PIP4K2A: variants seen among roughly 807,000 people sequenced by gnomAD.
PIP4K2A encodes phosphatidylinositol 5-phosphate 4-kinase type-2 alpha.
In PIP4K2A, 14 loss-of-function variants were observed where a neutral mutation model predicts 42.9. The ratio of observed to expected loss-of-function variants is 0.33; its 90% CI spans 0.22 to 0.51. PIP4K2A has a LOEUF of 0.51. PIP4K2A is among the 20% of genes least tolerant of loss of function. The pLI, the probability that PIP4K2A is intolerant of heterozygous loss-of-function variation, is 0.97. For missense variants in PIP4K2A, 434 were observed against 519.8 expected (o/e 0.83, Z 1.61); for synonymous variants, 192 against 192.2 (o/e 1.00, Z 0.01).
chr10:22,660,201 T>C (rs1258671373), intron 1 of PIP4K2A, among the ~76,000 whole-genome samples: 2 of 152,308 alleles, frequency 1.3e-5, no homozygotes, highest in Non-Finnish European at 2.9e-5. Flanking sequence ...ACGGACACGG[T>C]GGCTCATACC....
intron 1 of PIP4K2A, among the ~76,000 whole-genome samples, chr10:22,640,796 G>A (rs1234195678): frequency 6.6e-6 from 1 of 152,200 alleles, no homozygotes; most frequent in Non-Finnish European, 1.5e-5. Context: ...GAAATAAAGT[G>A]CGGATGAAAC....
At chr10:22,539,008 T>A (rs1292141561) in intron 9 of PIP4K2A, among the ~76,000 whole-genome samples, 1 of 152,208 alleles carries the variant, frequency 6.6e-6, no homozygotes, top group African/African-American at 2.4e-5. Context: ...CACCTCTTCT[T>A]CCAGGGCCAA....
At chr10:22,655,987 G>C (rs1204106672) in intron 1 of PIP4K2A, among the ~76,000 whole-genome samples, 2 of 152,120 alleles carry the variant, frequency 1.3e-5, no homozygotes, top group South Asian at 2.1e-4. Context: ...CATCTTGGGG[G>C]AATCAAACCA....
chr10:22,574,870 AT>A (rs1262705104), intron 4 of PIP4K2A, among the ~76,000 whole-genome samples: 2 of 152,212 alleles, frequency 1.3e-5, no homozygotes, highest in Non-Finnish European at 2.9e-5. Flanking sequence ...CTCACATCTG[AT>A]CTAGAGAAAT....
At chr10:22,587,329 T>G (rs1837419224) in intron 4 of PIP4K2A, among the ~76,000 whole-genome samples, 2 of 152,174 alleles carry the variant, frequency 1.3e-5, no homozygotes, top group Non-Finnish European at 2.9e-5. Context: ...GAGCCTCTCA[T>G]CAACTGATAT....
intron 4 of PIP4K2A, among the ~76,000 whole-genome samples, chr10:22,583,247 C>T (rs1837318358): frequency 6.6e-6 from 1 of 152,210 alleles, no homozygotes; most frequent in Non-Finnish European, 1.5e-5. Flanking sequence ...CCACGTATGA[C>T]CGCTGGCAGG....
At chr10:22,704,603 T>C (rs910936343) in intron 1 of PIP4K2A, among the ~76,000 whole-genome samples, 2 of 138,352 alleles carry the variant, frequency 1.4e-5, no homozygotes. Context: ...CAGTGAGCCA[T>C]GATTGCACCA....
intron 3 of PIP4K2A, among the ~76,000 whole-genome samples, chr10:22,603,185 C>T (rs1410196098): frequency 6.6e-6 from 1 of 152,074 alleles, no homozygotes; most frequent in African/African-American, 2.4e-5. Context: ...GAAAGGGCAT[C>T]AGATGTCAAT....
intron 3 of PIP4K2A, among the ~76,000 whole-genome samples, chr10:22,601,036 A>T (rs975790740): frequency 1.3e-5 from 2 of 150,352 alleles, no homozygotes; most frequent in Non-Finnish European, 3.0e-5. Context: ...GAAACTTCAC[A>T]GAGTGCCATG....
chr10:22,583,706 C>G (rs1837328396), intron 4 of PIP4K2A, among the ~76,000 whole-genome samples: 2 of 152,234 alleles, frequency 1.3e-5, no homozygotes, highest in African/African-American at 4.8e-5. Flanking sequence ...CCTTCCCAAA[C>G]ATTGCAGAGG....
intron 1 of PIP4K2A, among the ~76,000 whole-genome samples, chr10:22,644,099 C>T (rs1838833758): frequency 6.6e-6 from 1 of 152,168 alleles, no homozygotes; most frequent in African/African-American, 2.4e-5. Flanking sequence ...AATATGAAGT[C>T]CTGTTCTCCC....
intron 1 of PIP4K2A, among the ~76,000 whole-genome samples, chr10:22,710,084 T>C (rs1833887990): frequency 1.3e-5 from 2 of 148,660 alleles, no homozygotes; most frequent in African/African-American, 2.5e-5. Flanking sequence ...AAAAAAAAAT[T>C]ATGATGTATC....
At chr10:22,675,316 G>A (rs1292987861) in intron 1 of PIP4K2A, among the ~76,000 whole-genome samples, 1 of 151,934 alleles carries the variant, frequency 6.6e-6, no homozygotes, top group East Asian at 1.9e-4. Flanking sequence ...AGCCAGGCAC[G>A]GTGGCTCACA....
intron 4 of PIP4K2A, among the ~76,000 whole-genome samples, chr10:22,587,210 T>C (rs1837416464): frequency 6.6e-6 from 1 of 152,158 alleles, no homozygotes; most frequent in Non-Finnish European, 1.5e-5. Flanking sequence ...GTGGCTGCAT[T>C]TCCTTAAAAC....
chr10:22,595,327 A>C (rs1451044147), intron 3 of PIP4K2A, among the ~76,000 whole-genome samples: 1 of 152,248 alleles, frequency 6.6e-6, no homozygotes, highest in East Asian at 1.9e-4. Flanking sequence ...CTAACCAAAA[A>C]GGGCGATTTA....
intron 6 of PIP4K2A, among the ~76,000 whole-genome samples, chr10:22,563,299 C>A (rs1178358984): frequency 6.6e-6 from 1 of 152,216 alleles, no homozygotes; most frequent in African/African-American, 2.4e-5. Context: ...GGCAACTGTG[C>A]AGACAATTCT....
At chr10:22,674,782 A>AAAATAAATAAATAAAT (rs71395814) in intron 1 of PIP4K2A, among the ~76,000 whole-genome samples, 12 of 148,404 alleles carry the variant, frequency 8.1e-5, no homozygotes, top group Admixed American at 3.3e-4. Flanking sequence ...TCTCTACCAA[A>AAAATAAATAAATAAAT]AAATAAATAA....
At chr10:22,560,051 G>A (rs1252808965) in intron 6 of PIP4K2A, among the ~76,000 whole-genome samples, 1 of 152,180 alleles carries the variant, frequency 6.6e-6, no homozygotes, top group African/African-American at 2.4e-5. Flanking sequence ...AAGAAGCCCT[G>A]CTTCTGCCCT....
At chr10:22,597,294 C>G (rs757150410) in intron 3 of PIP4K2A, among the ~76,000 whole-genome samples, 1 of 152,204 alleles carries the variant, frequency 6.6e-6, no homozygotes, top group Non-Finnish European at 1.5e-5. Context: ...GGCACTCACA[C>G]AGCGTAACAC....
Sources: allele counts gnomAD v4.1 joint callset (sites outside exome capture counted in the v4.1 genomes callset), GRCh38; gene constraint gnomAD v4.1.1; transcripts MANE v1.5; gene names NCBI Gene and HGNC (gene_info 2026-07-23, HGNC 2026-07-21).